Variants in RYR2 observed in about 807,000 individuals in gnomAD.
The protein encoded by RYR2 is cardiac muscle ryanodine receptor-calcium release channel.
RYR2 carries 227 observed loss-of-function variants against 601.1 expected under a neutral mutation model. The observed-to-expected ratio is 0.38, with a 90% CI of 0.34 to 0.42. RYR2 has a LOEUF of 0.42. Ranked by LOEUF, RYR2 falls within the 10% of genes least tolerant of loss-of-function variation. RYR2 has a pLI of 1.00. For synonymous variants in RYR2, 2,223 were observed against 2,175.1 expected, an observed-to-expected ratio of 1.02 and a Z score of -0.61; for missense variants, 4,646 against 6,156.5, an observed-to-expected ratio of 0.75 and a Z score of 8.21.
At chr1:237,665,881 A>T (rs1213803564) in intron 56 of RYR2, among the ~76,000 whole-genome samples, 1 of 152,188 alleles carries the variant, frequency 6.6e-6, no homozygotes, top group Non-Finnish European at 1.5e-5. Context: ...CAGGAACCAG[A>T]GCTCATTTCT....
intron 48 of RYR2, among the ~76,000 whole-genome samples, chr1:237,646,593 T>G (rs1297781873): frequency 6.6e-6 from 1 of 152,322 alleles, no homozygotes; most frequent in East Asian, 1.9e-4. Flanking sequence ...AAGAATGATA[T>G]TTTCCCTTCT....
At chr1:237,560,798 A>T (rs1671373036) in intron 27 of RYR2, among the ~76,000 whole-genome samples, 1 of 152,226 alleles carries the variant, frequency 6.6e-6, no homozygotes, top group Admixed American at 6.5e-5. Flanking sequence ...AGCAATAAAG[A>T]TTAAAAATTG....
In RYR2 at chr1:237,773,562, G is replaced by A; in HGVS notation, c.11689G>A (p.Val3897Ile). The A allele has an allele frequency of 6.3e-7, 1 of 1,598,700 alleles. No individual in the cohort carries two copies. The highest frequency in any genetic ancestry group is 8.6e-7 in the Non-Finnish European group (1 of 1,166,406). The part of the protein sequence containing the change: ...DFYWYYSGKD[V>I]IDEQGQRNFS... Reference sequence around the variant, plus strand: ...TTATTGGTATTACTCTGGGAAAGATGTTATTGATGAACAAGGACAACGGAA... The same window carrying A: ...TTATTGGTATTACTCTGGGAAAGATATTATTGATGAACAAGGACAACGGAA... The change falls in exon 87 of 105, where the codon GTT becomes ATT. Residue 3897 changes from valine to isoleucine, a missense_variant. Physicochemically the swap from Val to Ile is conservative, Grantham distance 29. Around this residue, in one of 17 missense-constraint regions of RYR2, gnomAD observed 90 missense variants for 213.3 expected, o/e 0.42. Coordinates refer to ENST00000366574, the MANE Select transcript of RYR2 (RefSeq NM_001035.3).
At chr1:237,182,306 G>A (rs1407854505) in intron 1 of RYR2, among the ~76,000 whole-genome samples, 1 of 151,914 alleles carries the variant, frequency 6.6e-6, no homozygotes, top group East Asian at 1.9e-4. Flanking sequence ...ATTTTTAGTA[G>A]AGACGGGATT....
At chr1:237,636,728 T>C (rs1408890334) in intron 44 of RYR2, among the ~76,000 whole-genome samples, 1 of 152,214 alleles carries the variant, frequency 6.6e-6, no homozygotes, top group Non-Finnish European at 1.5e-5. Flanking sequence ...GACTTGGGCA[T>C]GAATGTTTCT....
intron 58 of RYR2, among the ~76,000 whole-genome samples, chr1:237,671,503 G>C (rs919543094): frequency 1.2e-4 from 17 of 143,506 alleles, no homozygotes; most frequent in African/African-American, 4.6e-4. Flanking sequence ...TGGTGCCTGG[G>C]TGTGTGTGTG....
chr1:237,643,849 C>T (rs571377161), intron 48 of RYR2, among the ~76,000 whole-genome samples: 1 of 152,146 alleles, frequency 6.6e-6, no homozygotes, highest in African/African-American at 2.4e-5. Context: ...CTCCTGACCT[C>T]GTGATCCGCC....
At chr1:237,327,081 T>G (rs1696241947) in intron 2 of RYR2, among the ~76,000 whole-genome samples, 2 of 152,218 alleles carry the variant, frequency 1.3e-5, no homozygotes, top group Non-Finnish European at 2.9e-5. Context: ...AACTAGATCA[T>G]TTTTCTTTAG....
chr1:237,485,466 G>A (rs924890564), intron 17 of RYR2, among the ~76,000 whole-genome samples: 2 of 152,176 alleles, frequency 1.3e-5, no homozygotes, highest in Admixed American at 6.5e-5. Context: ...ATGTGAATGT[G>A]CTTGTTACTA....
chr1:237,597,328 T>C (rs1466897226), intron 34 of RYR2, among the ~76,000 whole-genome samples: 2 of 151,202 alleles, frequency 1.3e-5, no homozygotes, highest in South Asian at 2.1e-4. Flanking sequence ...TCTTGCTCTG[T>C]TGCCAGGTAA....
At chr1:237,103,410 T>G (rs754764284) in intron 1 of RYR2, among the ~76,000 whole-genome samples, 2 of 152,166 alleles carry the variant, frequency 1.3e-5, no homozygotes, top group Non-Finnish European at 2.9e-5. Context: ...CCTGGTACTT[T>G]GAACCTGAAG....
chr1:237,126,534 C>T (rs1024920617), intron 1 of RYR2, among the ~76,000 whole-genome samples: 5 of 152,162 alleles, frequency 3.3e-5, no homozygotes, highest in Non-Finnish European at 5.9e-5. Context: ...AGCTCCACTG[C>T]AGTCTGAGGC....
chr1:237,636,270 G>C (rs1680862702), intron 44 of RYR2, among the ~76,000 whole-genome samples: 1 of 152,156 alleles, frequency 6.6e-6, no homozygotes, highest in Middle Eastern at 3.4e-3. Flanking sequence ...AGGTCAGAGT[G>C]GTTTTTCCTC....
At chr1:237,600,557 G>A (rs1265834560) in intron 34 of RYR2, among the ~76,000 whole-genome samples, 1 of 152,008 alleles carries the variant, frequency 6.6e-6, no homozygotes, top group Non-Finnish European at 1.5e-5. Context: ...TTTTTTGGAC[G>A]AGACCTCAAA....
intron 63 of RYR2, among the ~76,000 whole-genome samples, chr1:237,694,560 C>T (rs555360962): frequency 5.9e-4 from 89 of 152,030 alleles, no homozygotes; most frequent in African/African-American, 2.0e-3. Context: ...GTAAAAAATC[C>T]TATTTTTTTA....
At chr1:237,596,218 T>C (rs764508535) in intron 34 of RYR2, among the ~76,000 whole-genome samples, 9 of 152,084 alleles carry the variant, frequency 5.9e-5, no homozygotes, top group Non-Finnish European at 8.8e-5. Context: ...AATAAATTTA[T>C]AGGATGCCTG....
At chr1:237,719,003 C>T (rs1023647473) in intron 73 of RYR2, among the ~76,000 whole-genome samples, 1 of 152,134 alleles carries the variant, frequency 6.6e-6, no homozygotes, top group Non-Finnish European at 1.5e-5. Flanking sequence ...GTGGCTCACA[C>T]CTTTAATCCC....
At chr1:237,758,499 T>A (rs1693143460) in intron 82 of RYR2, among the ~76,000 whole-genome samples, 2 of 152,356 alleles carry the variant, frequency 1.3e-5, no homozygotes, top group African/African-American at 4.8e-5. Flanking sequence ...TATGTGTGTC[T>A]GTGTATCTGT....
chr1:237,259,734 T>A (rs935179599), intron 1 of RYR2, among the ~76,000 whole-genome samples: 3 of 152,142 alleles, frequency 2.0e-5, no homozygotes, highest in African/African-American at 4.8e-5. Context: ...TTCTCTTCTT[T>A]TGCCCTTTTC....
Sources: gnomAD v4.1 joint callset for allele counts (sites outside exome capture counted in the v4.1 genomes callset) on GRCh38, gnomAD v4.1.1 for gene constraint, gnomAD v4.1.1 regional missense constraint, MANE v1.5 for transcripts, NCBI Gene and HGNC (gene_info 2026-07-23, HGNC 2026-07-21) for gene names.